Variants in AP3M1 observed in about 807,000 individuals in gnomAD.
The protein encoded by AP3M1 is AP-3 complex subunit mu-1.
In AP3M1, 29 loss-of-function variants were observed where a neutral mutation model predicts 42.6. That is an observed-to-expected ratio of 0.68 (90% CI 0.51 to 0.93). AP3M1 has a LOEUF of 0.93. AP3M1 is among the 40% of genes least tolerant of loss of function. The pLI is 0.00. For synonymous variants in AP3M1, 178 were observed against 175.3 expected (o/e 1.02, Z -0.12); for missense variants, 416 against 510.2 (o/e 0.82, Z 1.78).
chr10:74,150,684 C>T (rs145382218), intron 1 of AP3M1, 71 bp downstream of exon 1: 1 of 153,560 alleles, frequency 6.5e-6, no homozygotes, highest in Non-Finnish European at 1.5e-5. Flanking sequence ...GTCGGGGGCC[C>T]CAGCTATTCA....
intron 1 of AP3M1, among the ~76,000 whole-genome samples, chr10:74,149,606 T>C (rs1841477727): frequency 2.6e-5 from 4 of 152,144 alleles, no homozygotes; most frequent in Admixed American, 2.6e-4. Flanking sequence ...TAAATTAAGA[T>C]AATTCTTCAT....
chr10:74,143,254 CTTGT>C (rs980017018), intron 1 of AP3M1, among the ~76,000 whole-genome samples: 17 of 152,262 alleles, frequency 1.1e-4, no homozygotes, highest in African/African-American at 3.4e-4. Flanking sequence ...GGGAACAAAG[CTTGT>C]TTGTTTGTTT....
intron 1 of AP3M1, among the ~76,000 whole-genome samples, chr10:74,148,958 C>T (rs554310071): frequency 5.3e-5 from 8 of 152,032 alleles, no homozygotes; most frequent in Admixed American, 2.0e-4. Context: ...CCACAACCTC[C>T]GCTTCCTGGG....
At chr10:74,141,503 A>G (rs1174008502) in intron 1 of AP3M1, among the ~76,000 whole-genome samples, 6 of 151,638 alleles carry the variant, frequency 4.0e-5, no homozygotes, top group African/African-American at 1.2e-4. Flanking sequence ...TACTCAAAGA[A>G]TATATACATA....
At chr10:74,146,827 G>A (rs992966778) in intron 1 of AP3M1, among the ~76,000 whole-genome samples, 1 of 151,730 alleles carries the variant, frequency 6.6e-6, no homozygotes. Flanking sequence ...AGTAGGAGGT[G>A]GGTCAAGGAA....
intron 4 of AP3M1, among the ~76,000 whole-genome samples, chr10:74,130,923 C>A (rs1423300313): frequency 6.6e-6 from 1 of 151,864 alleles, no homozygotes; most frequent in Non-Finnish European, 1.5e-5. Context: ...CCAGCCTGGG[C>A]AACATGGCAA....
chr10:74,140,811 T>C (rs1001643569), intron 1 of AP3M1, among the ~76,000 whole-genome samples: 3 of 152,104 alleles, frequency 2.0e-5, no homozygotes, highest in Admixed American at 6.5e-5. Context: ...TTTCAACAAA[T>C]GGTACTGGAA....
intron 7 of AP3M1, among the ~76,000 whole-genome samples, chr10:74,125,330 A>T (rs1390494953): frequency 1.3e-5 from 2 of 152,204 alleles, no homozygotes; most frequent in Non-Finnish European, 2.9e-5. Context: ...GGTGTTTTTA[A>T]AACTTTTAGC....
chr10:74,135,937 G>A (rs1840927049), intron 3 of AP3M1, among the ~76,000 whole-genome samples: 1 of 152,152 alleles, frequency 6.6e-6, no homozygotes, highest in Non-Finnish European at 1.5e-5. Flanking sequence ...GTTTACAATG[G>A]TTGACAGTGG....
At chr10:74,136,440 A>C (rs1840946217) in intron 3 of AP3M1, among the ~76,000 whole-genome samples, 192 bp downstream of exon 3, 1 of 152,156 alleles carries the variant, frequency 6.6e-6, no homozygotes, top group East Asian at 1.9e-4. Context: ...TAATAACCAA[A>C]AGTTCTTTAT....
chr10:74,147,952 T>C lies in AP3M1; in HGVS notation c.-4+2803A>G, dbSNP rs372686480. ...AGGCGGAGGTTGCAGTGAGCCGAGATTGCCATTGCACTCCAGCCTGGGCGA... is the reference window on the plus strand; with the variant it reads ...AGGCGGAGGTTGCAGTGAGCCGAGACTGCCATTGCACTCCAGCCTGGGCGA... On this transcript the variant is annotated intron_variant, in intron 1 of 8. Coordinates refer to ENST00000355264, the MANE Select transcript of AP3M1 (RefSeq NM_012095.6). Among the ~76,000 whole-genome samples the C allele has an allele frequency of 3.3e-5, 5 of 151,994 alleles. No individual in the cohort carries two copies. The East Asian group carries it at 7.8e-4, about 24-fold the overall frequency.
intron 1 of AP3M1, among the ~76,000 whole-genome samples, chr10:74,143,901 C>T (rs548858870): frequency 6.6e-6 from 1 of 152,368 alleles, no homozygotes; most frequent in African/African-American, 2.4e-5. Flanking sequence ...ACACCCATGG[C>T]TATTGAGCAC....
In AP3M1 at chr10:74,134,048, C is replaced by G; in HGVS notation, c.562G>C (p.Asp188His). Reference sequence around the variant, plus strand: ...TTACCTGATTTATCTATAATTGCGTCTATTTCTTCAACAACATCAAAATAG... The same window carrying G: ...TTACCTGATTTATCTATAATTGCGTGTATTTCTTCAACAACATCAAAATAG... ...EAYFDVVEEIDAIIDKSGSTV... is the reference protein window; with the variant it reads ...EAYFDVVEEIHAIIDKSGSTV... Residue 188 changes from aspartate to histidine, a missense_variant, in exon 4 of 9, where the codon GAC (aspartate) becomes CAC (histidine). Transcript: ENST00000355264. The G allele has an allele frequency of 6.2e-7, 1 of 1,614,100 alleles. No individual in the cohort carries two copies. The highest frequency in any genetic ancestry group is 8.5e-7 in the Non-Finnish European group (1 of 1,179,996).
Position 74,139,767 on chromosome 10 carries a change from C to T in AP3M1, c.-3-1385G>A, listed in dbSNP as rs182798414. 3.3e-5 allele frequency among the ~76,000 whole-genome samples: 5 copies of T among 152,042 alleles called. No individual in the cohort carries two copies. The South Asian group carries it at 6.2e-4, about 19-fold the overall frequency. On this transcript the variant is annotated intron_variant, in intron 1 of 8. Coordinates refer to ENST00000355264, the MANE Select transcript of AP3M1 (RefSeq NM_012095.6). Reference sequence around the variant, plus strand: ...CCCGTCCCTACTAAAATTAGCCAGGCGTGGTGGCACGCACCTGTAGTCCCA... The same window carrying T: ...CCCGTCCCTACTAAAATTAGCCAGGTGTGGTGGCACGCACCTGTAGTCCCA...
chr10:74,146,522 G>A (rs1398826424), intron 1 of AP3M1, among the ~76,000 whole-genome samples: 1 of 152,068 alleles, frequency 6.6e-6, no homozygotes, highest in Non-Finnish European at 1.5e-5. Context: ...AAACATTTAG[G>A]TTTTGTGCTA....
At chr10:74,144,203 C>A (rs950245658) in intron 1 of AP3M1, among the ~76,000 whole-genome samples, 11 of 152,202 alleles carry the variant, frequency 7.2e-5, no homozygotes, top group African/African-American at 2.7e-4. Flanking sequence ...CCTCATGATC[C>A]ACCCGCCTCG....
intron 1 of AP3M1, among the ~76,000 whole-genome samples, chr10:74,144,183 G>A (rs1337621635): frequency 2.0e-5 from 3 of 152,116 alleles, no homozygotes; most frequent in East Asian, 1.9e-4. Flanking sequence ...GGATGGTCTC[G>A]ATCTCCGGAC....
chr10:74,128,967 C>T (rs1013770688), intron 6 of AP3M1, 141 bp downstream of exon 6: 7 of 953,226 alleles, frequency 7.3e-6, no homozygotes, highest in East Asian at 5.0e-5. Flanking sequence ...TATTTTCACC[C>T]GTTCTCACTG....
At chr10:74,140,845 G>T (rs1841124326) in intron 1 of AP3M1, among the ~76,000 whole-genome samples, 1 of 152,008 alleles carries the variant, frequency 6.6e-6, no homozygotes, top group African/African-American at 2.4e-5. Flanking sequence ...ACATACAAAA[G>T]AATGAAATTG....
Sources: allele counts gnomAD v4.1 joint callset (sites outside exome capture counted in the v4.1 genomes callset), GRCh38; gene constraint gnomAD v4.1.1; transcripts MANE v1.5; gene names NCBI Gene and HGNC (gene_info 2026-07-23, HGNC 2026-07-21).